Variants in COL4A2 observed in about 807,000 individuals in gnomAD.
COL4A2 encodes collagen alpha-2(IV) chain.
Under a neutral mutation model 200.2 loss-of-function variants are expected in COL4A2, and 99 were observed. That is an observed-to-expected ratio of 0.49 (90% CI 0.42 to 0.58). The LOEUF (loss-of-function observed/expected upper bound fraction) is 0.58. Among genes scored for constraint, COL4A2 ranks in the 20% least tolerant of loss-of-function variants. COL4A2 has a pLI of 0.00. For synonymous variants in COL4A2, 897 were observed against 900.6 expected, an observed-to-expected ratio of 1.00 and a Z score of 0.07; for missense variants, 1,950 against 2,314.1, an observed-to-expected ratio of 0.84 and a Z score of 3.23.
chr13:110,460,052 T>C (rs1881963630), intron 22 of COL4A2, among the ~76,000 whole-genome samples: 1 of 152,240 alleles, frequency 6.6e-6, no homozygotes, highest in Non-Finnish European at 1.5e-5. Context: ...AGTATACTTT[T>C]TGTTGATTTT....
rs148199632 is a variant in COL4A2 at position 110,430,108 on chromosome 13, C to T, written c.549+152C>T. 458 of 804,002 alleles carry T rather than the reference C, an allele frequency of 5.7e-4. 2 individuals are homozygous for T. In the African/African-American group the frequency reaches 6.6e-3, roughly 12 times the overall value. 49.8% of individuals were successfully genotyped at this position (804,002 alleles called of 1,614,324 possible). A position where few individuals can be genotyped will look rare whatever the true frequency, so the allele number is the denominator to read the frequency against. ...CATAATCTAAAAGTCATCTTACTTC[C>T]GATCAGGATGTTTTCAATCTTATTT... On this transcript the variant is annotated intron_variant, in intron 8 of 47. Coordinates refer to ENST00000360467, the MANE Select transcript of COL4A2 (RefSeq NM_001846.4).
intron 47 of COL4A2, 79 bp from the exon 48 acceptor site, chr13:110,511,855 C>G: frequency 6.2e-7 from 1 of 1,600,350 alleles, no homozygotes; most frequent in Non-Finnish European, 8.5e-7. Flanking sequence ...AACAAATGCA[C>G]AGAAGAGGGC....
At chr13:110,461,358 G>T (rs940404616) in intron 22 of COL4A2, among the ~76,000 whole-genome samples, 1 of 152,178 alleles carries the variant, frequency 6.6e-6, no homozygotes. Flanking sequence ...TGGATCCCTG[G>T]GGCCTCTGTG....
intron 37 of COL4A2, 82 bp downstream of exon 37, chr13:110,491,422 T>G: frequency 3.2e-6 from 3 of 928,550 alleles, no homozygotes; most frequent in Non-Finnish European, 5.2e-6. Flanking sequence ...CATTGTCAAT[T>G]TCCTCCAATC....
Position 110,438,002 on chromosome 13 carries a change from G to A in COL4A2, c.826G>A (p.Gly276Ser). The A allele has an allele frequency of 6.2e-7, 1 of 1,612,100 alleles. No individual in the cohort carries two copies. The highest frequency in any genetic ancestry group is 8.5e-7 in the Non-Finnish European group (1 of 1,178,458). ...TTCTTATTTTTCATATTCTTCACAG[G>A]GTGAAAAAGGCAGTGAGGGGGAACC... ...GVTFHPDQYKGEKGSEGEPGI... is the reference protein window; with the variant it reads ...GVTFHPDQYKSEKGSEGEPGI... Residue 276 changes from glycine to serine, a missense_variant and splice_region_variant, in exon 14 of 48, where the codon GGT (glycine) becomes AGT (serine). Transcript: ENST00000360467.
intron 4 of COL4A2, among the ~76,000 whole-genome samples, chr13:110,420,279 C>T (rs1356003162): frequency 2.0e-5 from 3 of 152,172 alleles, no homozygotes; most frequent in Non-Finnish European, 4.4e-5. Flanking sequence ...ATGCAGTTGC[C>T]GTGGGGACAA....
intron 40 of COL4A2, among the ~76,000 whole-genome samples, chr13:110,500,723 G>C (rs971817609): frequency 6.6e-6 from 1 of 152,216 alleles, no homozygotes; most frequent in South Asian, 2.1e-4. Context: ...CAAGATGTTT[G>C]TCAATGATCA....
In COL4A2 at chr13:110,439,823, C is replaced by A. The variant is rs779390986; in HGVS notation, c.947C>A (p.Pro316Gln). ...YPGLSGEKGS[P>Q]GQKGSRGLDG... ...GGCTTGAGTGGTGAAAAAGGATCAC[C>A]AGGACAGAAGGTAAGTTGGATGCAT... Residue 316 changes from proline to glutamine, a missense_variant, in exon 16 of 48, where the codon CCA becomes CAA. This residue lies in a region of COL4A2 where 565 missense variants were observed against 593.5 expected (regional missense o/e 0.95). Coordinates refer to ENST00000360467, the MANE Select transcript of COL4A2 (RefSeq NM_001846.4). 42 of 1,613,894 alleles carry A rather than the reference C, an allele frequency of 2.6e-5. No homozygotes were observed. Among genetic ancestry groups the A allele is most frequent in the Middle Eastern group, 1.7e-4 (1 of 6,060 alleles).
Position 110,438,089 on chromosome 13 carries a change from C to T in COL4A2, c.861+52C>T, listed in dbSNP as rs775851560. ...TCCCCTGTGGCTCCTGGGCTGTCGG[C>T]GCTCTGCCAGGCATGACGGGGTGCA... On this transcript the variant is annotated intron_variant, in intron 14 of 47. Coordinates refer to ENST00000360467, the MANE Select transcript of COL4A2 (RefSeq NM_001846.4). 9 of 1,525,234 alleles carry T rather than the reference C, an allele frequency of 5.9e-6. No homozygotes were observed. The East Asian group carries it at 1.1e-4, about 19-fold the overall frequency. The allele number at this position is 1,525,234 out of a possible 1,614,324, so 94.5% of individuals were successfully genotyped here.
chr13:110,451,818 T>C (rs1881547782), intron 20 of COL4A2, among the ~76,000 whole-genome samples: 1 of 152,184 alleles, frequency 6.6e-6, no homozygotes, highest in African/African-American at 2.4e-5. Flanking sequence ...CTTCTTCCAA[T>C]GTGGCCCAGA....
chr13:110,327,767 T>A (rs910408944), intron 3 of COL4A2, among the ~76,000 whole-genome samples: 1 of 152,174 alleles, frequency 6.6e-6, no homozygotes, highest in Non-Finnish European at 1.5e-5. Flanking sequence ...GCTAATTCTG[T>A]TTTCGTCATT....
intron 4 of COL4A2, among the ~76,000 whole-genome samples, chr13:110,385,877 C>CGTGGTTACAGCGTGTGGATAGGCT (rs1878710831): frequency 9.3e-6 from 1 of 107,496 alleles, no homozygotes; most frequent in Non-Finnish European, 2.1e-5. Context: ...GTGGATGGGC[C>CGTGGTTACAGCGTGTGGATAGGCT]GTGGTTACAG....
At chr13:110,465,876 T>C in intron 25 of COL4A2, 127 bp from the exon 26 acceptor site, 1 of 1,215,258 alleles carries the variant, frequency 8.2e-7, no homozygotes, top group South Asian at 1.5e-5. Context: ...CCTGCCCATT[T>C]CAAAGCCTTC....
chr13:110,509,256 TATATATATATATATAC>T (rs1883993263), intron 47 of COL4A2, among the ~76,000 whole-genome samples: 2 of 117,146 alleles, frequency 1.7e-5, no homozygotes, highest in Admixed American at 1.8e-4. Flanking sequence ...TATATATATA[TATATATATATATATAC>T]ACACACACAC....
At chr13:110,389,517 A>G (rs543462315) in intron 4 of COL4A2, among the ~76,000 whole-genome samples, 116 of 152,340 alleles carry the variant, frequency 7.6e-4, no homozygotes, top group Middle Eastern at 3.4e-3. Flanking sequence ...TGTGGTCAGC[A>G]TTGCCTCCCT....
intron 39 of COL4A2, 31 bp from the exon 40 acceptor site, chr13:110,495,311 G>T: frequency 6.2e-7 from 1 of 1,613,646 alleles, no homozygotes; most frequent in South Asian, 1.1e-5. Flanking sequence ...TGGAAACACC[G>T]ACATCAGCTG....
intron 4 of COL4A2, among the ~76,000 whole-genome samples, chr13:110,400,922 T>C (rs1438965215): frequency 1.3e-5 from 2 of 152,234 alleles, no homozygotes; most frequent in African/African-American, 4.8e-5. Context: ...ATTAAGAGAA[T>C]GAAGAAGAAG....
intron 4 of COL4A2, among the ~76,000 whole-genome samples, chr13:110,366,153 T>C (rs117757370): frequency 0.028 from 4,298 of 152,322 alleles, 79 homozygotes; most frequent in Non-Finnish European, 0.044. Context: ...TCAAAGACCA[T>C]TGTTTTGTTT....
At position 110,501,986 on chromosome 13, in the gene COL4A2, A is replaced by C. The variant is rs2139550297; in HGVS notation, c.3877+202A>C. ...TCCCTGGGAAGCTGAGACACAGGCC[A>C]TGTCATTTACTTGCTGTAATAGCAG... On this transcript the variant is annotated intron_variant, in intron 41 of 47. Transcript: ENST00000360467. Among the ~76,000 whole-genome samples the C allele has an allele frequency of 1.3e-5, 2 of 152,334 alleles. 1 individual carries two copies. Among genetic ancestry groups the C allele is most frequent in the South Asian group, 4.1e-4 (2 of 4,826 alleles).
Sources: gnomAD v4.1 joint callset for allele counts (sites outside exome capture counted in the v4.1 genomes callset) on GRCh38, gnomAD v4.1.1 for gene constraint, gnomAD v4.1.1 regional missense constraint, MANE v1.5 for transcripts, NCBI Gene and HGNC (gene_info 2026-07-23, HGNC 2026-07-21) for gene names.